Variants in TRAPPC8 observed in about 807,000 individuals in gnomAD.
TRAPPC8 encodes the protein trafficking protein particle complex subunit 8, also known as general sporulation gene 1 homolog.
Under a neutral mutation model 174.3 loss-of-function variants are expected in TRAPPC8, and 54 were observed. The observed-to-expected ratio is 0.31, with a 90% CI of 0.25 to 0.39. The LOEUF (loss-of-function observed/expected upper bound fraction) is 0.39, where lower values mean the gene tolerates loss of function less well. Ranked by LOEUF, TRAPPC8 falls within the 10% of genes least tolerant of loss-of-function variation. TRAPPC8 has a pLI of 1.00. For synonymous variants in TRAPPC8, 630 were observed against 579.9 expected, an observed-to-expected ratio of 1.09 and a Z score of -1.24; for missense variants, 1,531 against 1,699.1, an observed-to-expected ratio of 0.90 and a Z score of 1.74.
intron 25 of TRAPPC8, among the ~76,000 whole-genome samples, chr18:31,848,480 G>A (rs1348122605): frequency 6.6e-6 from 1 of 152,164 alleles, no homozygotes; most frequent in Non-Finnish European, 1.5e-5. Context: ...AAGTTCGGAA[G>A]AATTTGATTT....
At chr18:31,867,268 C>T in intron 17 of TRAPPC8, 134 bp downstream of exon 17, 2 of 741,312 alleles carry the variant, frequency 2.7e-6, no homozygotes, top group Non-Finnish European at 4.5e-6. Flanking sequence ...TGAGCAATTC[C>T]TATGTCCTAA....
In TRAPPC8 at chr18:31,830,850, G is replaced by C. The variant is rs202196315; in HGVS notation, c.4213C>G (p.Pro1405Ala). ...TCCGATAACTTGGCAAATACCCTAG[G>C]AGTTCCAAGGTTATAAACACCTGTA... Reference protein sequence around the residue: ...VHTGVYNLGTPRVFAKLSDQV... With the variant: ...VHTGVYNLGTARVFAKLSDQV... The change falls in exon 29 of 29, where the codon CCT (proline) becomes GCT (alanine). Residue 1405 changes from proline (P) to alanine (A), a missense_variant. Coordinates refer to ENST00000283351, the MANE Select transcript of TRAPPC8 (RefSeq NM_014939.5). The C allele has an allele frequency of 2.5e-5, 40 of 1,614,092 alleles. No individual in the cohort carries two copies. The Admixed American group carries it at 3.0e-4, about 12-fold the overall frequency.
intron 20 of TRAPPC8, among the ~76,000 whole-genome samples, chr18:31,856,648 C>A (rs1326188770): frequency 6.6e-6 from 1 of 152,096 alleles, no homozygotes. Context: ...TTCCTCTTTA[C>A]TTCTTTTACA....
chr18:31,872,098 A>G (rs573705251), intron 14 of TRAPPC8, among the ~76,000 whole-genome samples: 6 of 152,220 alleles, frequency 3.9e-5, no homozygotes, highest in East Asian at 1.9e-4. Flanking sequence ...CATTGTACCC[A>G]TAAGTAATTT....
intron 12 of TRAPPC8, 151 bp from the exon 13 acceptor site, chr18:31,874,855 G>T: frequency 1.5e-6 from 1 of 663,706 alleles, no homozygotes. Context: ...TAACATTTAT[G>T]ATAATCCCTT....
intron 13 of TRAPPC8, 142 bp downstream of exon 13, chr18:31,874,322 CAAGATCTATAGCCAAA>C: frequency 1.5e-6 from 1 of 682,860 alleles, no homozygotes; most frequent in Non-Finnish European, 2.4e-6. Flanking sequence ...GCAATGTAAC[CAAGATCTATAGCCAAA>C]AAGCCTAGCC....
chr18:31,848,741 A>C (rs1433905222), intron 25 of TRAPPC8, among the ~76,000 whole-genome samples: 4 of 152,222 alleles, frequency 2.6e-5, no homozygotes, highest in Admixed American at 6.5e-5. Flanking sequence ...ACCTTGTCAC[A>C]AAGTTCGGGT....
At chr18:31,849,529 TAA>T in intron 25 of TRAPPC8, 35 bp downstream of exon 25, 2 of 1,535,566 alleles carry the variant, frequency 1.3e-6, no homozygotes, top group Non-Finnish European at 1.8e-6. Flanking sequence ...CGAGTATCTA[TAA>T]GTGAGGCTTG....
intron 25 of TRAPPC8, among the ~76,000 whole-genome samples, chr18:31,849,281 A>AT (rs2033578716): frequency 6.6e-6 from 1 of 152,092 alleles, no homozygotes; most frequent in South Asian, 2.1e-4. Flanking sequence ...CCTCTGTAGA[A>AT]TGTTTGGAAA....
At chr18:31,844,799 T>C (rs1054775422) in intron 26 of TRAPPC8, among the ~76,000 whole-genome samples, 2 of 151,458 alleles carry the variant, frequency 1.3e-5, no homozygotes, top group African/African-American at 4.9e-5. Context: ...AATTACTTAC[T>C]ATTATGAAAG....
chr18:31,835,874 T>G (rs555066881), intron 27 of TRAPPC8, among the ~76,000 whole-genome samples: 1 of 152,334 alleles, frequency 6.6e-6, no homozygotes, highest in East Asian at 1.9e-4. Context: ...TCCGGAGACA[T>G]GCCACCAGAA....
chr18:31,865,467 T>C (rs763616626), intron 18 of TRAPPC8, among the ~76,000 whole-genome samples: 2 of 152,024 alleles, frequency 1.3e-5, no homozygotes, highest in African/African-American at 2.4e-5. Context: ...ATAAAATGTA[T>C]TGATTCCCAC....
intron 1 of TRAPPC8, among the ~76,000 whole-genome samples, chr18:31,935,213 G>A (rs1002828175): frequency 2.6e-5 from 4 of 150,984 alleles, no homozygotes; most frequent in African/African-American, 4.9e-5. Flanking sequence ...GCGTGGTGGC[G>A]CATGCCTGTA....
intron 26 of TRAPPC8, among the ~76,000 whole-genome samples, chr18:31,846,103 CT>C (rs1448893948): frequency 1.3e-5 from 2 of 152,108 alleles, no homozygotes; most frequent in African/African-American, 4.8e-5. Flanking sequence ...CAAATCAATT[CT>C]TTTCATACCT....
chr18:31,939,815 G>C (rs2038254144), intron 1 of TRAPPC8: 1 of 152,166 alleles, frequency 6.6e-6, no homozygotes, highest in African/African-American at 2.4e-5. Context: ...GGGAGCTATG[G>C]TGATACAATT....
chr18:31,872,473 C>T lies in TRAPPC8; in HGVS notation c.2062+957G>A, dbSNP rs576103296. 2.2e-4 allele frequency among the ~76,000 whole-genome samples: 33 copies of T among 151,918 alleles called. No individual in the cohort carries two copies. In the East Asian group the frequency reaches 3.3e-3, roughly 15 times the overall value. On this transcript the variant is annotated intron_variant, in intron 14 of 28. Coordinates refer to ENST00000283351, the MANE Select transcript of TRAPPC8 (RefSeq NM_014939.5). ...TTTTTTTGAGACAGTCTTGCTGGAG[C>T]GCAGTGGCGAGATCTCGGCTACTGC...
intron 2 of TRAPPC8, among the ~76,000 whole-genome samples, chr18:31,923,763 CTG>C (rs1254953013): frequency 7.2e-6 from 1 of 138,086 alleles, no homozygotes; most frequent in Non-Finnish European, 1.6e-5. Context: ...AAAAAAAAAA[CTG>C]TTTTCTTCTG....
intron 4 of TRAPPC8, among the ~76,000 whole-genome samples, chr18:31,915,806 G>A (rs1008269256): frequency 2.4e-4 from 36 of 150,766 alleles, no homozygotes; most frequent in African/African-American, 8.5e-4. Context: ...AGAATGGCGT[G>A]AACCCAGGAA....
rs2033600019 is a variant in TRAPPC8, at chr18:31,849,604, A to G, written c.3697T>C (p.Cys1233Arg). 4.3e-6 allele frequency: 7 copies of G among 1,611,166 alleles called. No homozygotes were observed. Among genetic ancestry groups the G allele is most frequent in the Non-Finnish European group, 5.9e-6 (7 of 1,179,080 alleles). Residue 1233 changes from cysteine (C) to arginine (R), a missense_variant, in exon 25 of 29, where the codon TGC (cysteine) becomes CGC (arginine). Physicochemically the swap from Cys to Arg is radical, Grantham distance 180 (BLOSUM62 -3). Transcript: ENST00000283351. ...ACAATATTCAAATCTACCTCACTGC[A>G]TTTTTGAATCAATCTCACAGCATCC... ...TEDAVRLIQK[C>R]SEVDLNIVIL...
Sources: allele counts gnomAD v4.1 joint callset (sites outside exome capture counted in the v4.1 genomes callset), GRCh38; gene constraint gnomAD v4.1.1; transcripts MANE v1.5; gene names NCBI Gene and HGNC (gene_info 2026-07-23, HGNC 2026-07-21).